ERLIN2: variants seen among roughly 807,000 people sequenced by gnomAD.
The protein encoded by ERLIN2 is ER lipid raft associated 2.
Under a neutral mutation model 41.5 loss-of-function variants are expected in ERLIN2, and 22 were observed. The ratio of observed to expected loss-of-function variants is 0.53; its 90% CI spans 0.38 to 0.76. The LOEUF (loss-of-function observed/expected upper bound fraction) is 0.76, where lower values mean the gene tolerates loss of function less well. ERLIN2 is among the 30% of genes least tolerant of loss of function. The probability of loss-of-function intolerance (pLI) is 0.00; values close to 1 mark genes in which losing one functional copy is unlikely to be tolerated. For synonymous variants in ERLIN2, 149 were observed against 150.9 expected (o/e 0.99, Z 0.09); for missense variants, 247 against 414.3 (o/e 0.60, Z 3.51).
chr8:37,746,253 G>A, intron 6 of ERLIN2: 6 of 985,484 alleles, frequency 6.1e-6, no homozygotes, highest in Non-Finnish European at 7.2e-6. Flanking sequence ...TTATAGCCCA[G>A]ACTTTAAACA....
chr8:37,736,917 G>C, intron 1 of ERLIN2: 1 of 985,956 alleles, frequency 1.0e-6, no homozygotes, highest in East Asian at 1.1e-4. Flanking sequence ...CTCTCGGAAC[G>C]GGGCGGGGAA....
Position 37,754,193 on chromosome 8 carries a change from C to T in ERLIN2, c.*78C>T. ...GATGAATCAGAATGTTCCTCCCTCC[C>T]CGACTACCTTCTCTGACTGTCTTCC... On this transcript the variant is annotated 3_prime_UTR_variant, in exon 12 of 12. Coordinates refer to ENST00000519638, the MANE Select transcript of ERLIN2 (RefSeq NM_007175.8). 2 of 1,031,002 alleles carry T rather than the reference C, an allele frequency of 1.9e-6. No homozygotes were observed. Among genetic ancestry groups the T allele is most frequent in the South Asian group, 1.4e-5 (1 of 73,894 alleles). 63.9% of individuals were successfully genotyped at this position (1,031,002 alleles called of 1,614,324 possible).
rs1349890190 is a variant in ERLIN2, at chr8:37,743,592, G to A, written c.237-763G>A. On this transcript the variant is annotated intron_variant, in intron 4 of 11. Coordinates refer to ENST00000519638, the MANE Select transcript of ERLIN2 (RefSeq NM_007175.8). ...GGCTTCAACATATGAATCTGGGGGCGAGGCATACACAGGTCAGTCCATAAC... is the reference window on the plus strand; with the variant it reads ...GGCTTCAACATATGAATCTGGGGGCAAGGCATACACAGGTCAGTCCATAAC... 9.9e-5 allele frequency among the ~76,000 whole-genome samples: 15 copies of A among 152,164 alleles called. 1 individual carries two copies. The highest frequency in any genetic ancestry group is 9.8e-4 in the Admixed American group (15 of 15,278).
At chr8:37,736,709 C>T (rs1180122335) in intron 1 of ERLIN2, 31 bp downstream of exon 1, 3 of 985,698 alleles carry the variant, frequency 3.0e-6, no homozygotes, top group South Asian at 4.7e-5. Context: ...CGTGCGCGCG[C>T]TGGGCCTAGC....
chr8:37,746,525 A>T, intron 6 of ERLIN2: 6 of 973,228 alleles, frequency 6.2e-6, no homozygotes, highest in Non-Finnish European at 7.3e-6. Flanking sequence ...TAAATAGCAA[A>T]TGTAAAGTAA....
chr8:37,758,037 G>A lies in ERLIN2; in HGVS notation c.*3922G>A, dbSNP rs1287634597. 2 of 152,208 alleles carry A rather than the reference G, an allele frequency of 1.3e-5. No individual in the cohort carries two copies. Among genetic ancestry groups the A allele is most frequent in the Non-Finnish European group, 2.9e-5 (2 of 68,026 alleles). 9.4% of individuals were successfully genotyped at this position (152,208 alleles called of 1,614,324 possible). On this transcript the variant is annotated 3_prime_UTR_variant, in exon 12 of 12. Coordinates refer to ENST00000519638, the MANE Select transcript of ERLIN2 (RefSeq NM_007175.8). ...CTAGTTAAATATGAATTTCAACAAT[G>A]TACAATTTTTAGTCTAAGTACTATG...
rs989151973 is a variant in ERLIN2, at chr8:37,741,982, G to A, written c.236+164G>A. Among the ~76,000 whole-genome samples the A allele has an allele frequency of 1.3e-5, 2 of 152,130 alleles. No individual in the cohort carries two copies. The highest frequency in any genetic ancestry group is 2.4e-5 in the African/African-American group (1 of 41,410). ...GACCAGGTGATGGAGTGCAGTAGAG[G>A]AAATCATAGAAGGTTCAGGAGGGGC... On this transcript the variant is annotated intron_variant, in intron 4 of 11. Coordinates refer to ENST00000519638, the MANE Select transcript of ERLIN2 (RefSeq NM_007175.8). The surrounding 1 kb of genome is among the most constrained non-coding windows in gnomAD (Gnocchi z 4.8).
intron 10 of ERLIN2, among the ~76,000 whole-genome samples, chr8:37,752,371 T>C (rs1803240551): frequency 6.6e-6 from 1 of 152,234 alleles, no homozygotes; most frequent in Non-Finnish European, 1.5e-5. Flanking sequence ...AGCTTCAGGC[T>C]ACAAAGTGTT....
intron 4 of ERLIN2, 123 bp from the exon 5 acceptor site, chr8:37,744,232 C>T: frequency 1.1e-6 from 1 of 883,746 alleles, no homozygotes; most frequent in South Asian, 1.3e-5. Context: ...AGCTGCCTTC[C>T]AACTTCCCGT....
Position 37,740,195 on chromosome 8 carries a change from T to C in ERLIN2, c.108-170T>C, listed in dbSNP as rs548188881. On this transcript the variant is annotated intron_variant, in intron 2 of 11. Transcript: ENST00000519638. ...TGTTTTACCATCAGGCTTCCTAGAATATTAGGATCTAGCTGAGAGGAAGAA... is the reference window on the plus strand; with the variant it reads ...TGTTTTACCATCAGGCTTCCTAGAACATTAGGATCTAGCTGAGAGGAAGAA... Among the ~76,000 whole-genome samples, 18 of 152,288 alleles carry C rather than the reference T, an allele frequency of 1.2e-4. 1 individual carries two copies. Among genetic ancestry groups the C allele is most frequent in the African/African-American group, 4.3e-4 (18 of 41,558 alleles).
chr8:37,737,768 A>G, intron 1 of ERLIN2, 140 bp from the exon 2 acceptor site: 1 of 910,220 alleles, frequency 1.1e-6, no homozygotes, highest in South Asian at 1.5e-5. Context: ...AGCGAGTTGT[A>G]GATCTAGCCT....
chr8:37,746,800 G>A (rs1423966581), intron 6 of ERLIN2, among the ~76,000 whole-genome samples: 1 of 152,186 alleles, frequency 6.6e-6, no homozygotes, highest in Non-Finnish European at 1.5e-5. Flanking sequence ...AAAGCTTTAT[G>A]CAGATTCTGG....
chr8:37,753,589 A>G (rs1803282272), intron 11 of ERLIN2, 60 bp downstream of exon 11: 4 of 1,493,194 alleles, frequency 2.7e-6, no homozygotes, highest in Non-Finnish European at 2.8e-6. Flanking sequence ...GTATTGCAGG[A>G]GAGTTTCCAG....
chr8:37,747,463 TTC>T (rs1166889508), intron 6 of ERLIN2: 6 of 1,611,884 alleles, frequency 3.7e-6, no homozygotes, highest in Non-Finnish European at 4.2e-6. Flanking sequence ...CACTTTGGCA[TTC>T]TGTGCATACG....
intron 1 of ERLIN2, chr8:37,737,567 A>G (rs957929780): frequency 3.0e-6 from 1 of 336,084 alleles, no homozygotes; most frequent in Admixed American, 4.4e-5. Flanking sequence ...CTTCCCTACT[A>G]CTGGTAGGAA....
intron 9 of ERLIN2, 97 bp downstream of exon 9, chr8:37,750,583 C>T (rs747021290): frequency 1.6e-5 from 15 of 953,584 alleles, no homozygotes; most frequent in Non-Finnish European, 2.2e-5. Flanking sequence ...CCCCATGGTC[C>T]TCCAAACCAC....
In ERLIN2 at chr8:37,744,554, C is replaced by A; in HGVS notation, c.299-17C>A. On this transcript the variant is annotated splice_polypyrimidine_tract_variant and intron_variant, in intron 5 of 11. Transcript: ENST00000519638. ...GTCTTGCCTTTTCTTATGCCAAGCC[C>A]TCTCCTTCCCTCTCAGTGTATGATA... 1.9e-6 allele frequency: 3 copies of A among 1,614,158 alleles called. No individual in the cohort carries two copies. The highest frequency in any genetic ancestry group is 8.5e-7 in the Non-Finnish European group (1 of 1,180,022).
chr8:37,750,373 C>G (rs1371870216), intron 8 of ERLIN2, 22 bp from the exon 9 acceptor site: 1 of 1,596,566 alleles, frequency 6.3e-7, no homozygotes, highest in East Asian at 2.2e-5. Context: ...ATAGCTGCCT[C>G]ACGGCTTTTT....
In ERLIN2 at chr8:37,756,206, T is replaced by C. The variant is rs1163152267; in HGVS notation, c.*2091T>C. ...TCCGTCTCAAGAAAAGAAGGTCATT[T>C]CCCAAGACTAGCATAGGGAGTATCC... On this transcript the variant is annotated 3_prime_UTR_variant, in exon 12 of 12. Coordinates refer to ENST00000519638, the MANE Select transcript of ERLIN2 (RefSeq NM_007175.8). The C allele has an allele frequency of 6.6e-6, 1 of 152,132 alleles. No individual in the cohort carries two copies. Among genetic ancestry groups the C allele is most frequent in the Non-Finnish European group, 1.5e-5 (1 of 68,030 alleles). 9.4% of individuals were successfully genotyped at this position (152,132 alleles called of 1,614,324 possible).
Sources: gnomAD v4.1 joint callset for allele counts (sites outside exome capture counted in the v4.1 genomes callset) on GRCh38, gnomAD v4.1.1 for gene constraint, Gnocchi (gnomAD v3.1) non-coding constraint, MANE v1.5 for transcripts, NCBI Gene and HGNC (gene_info 2026-07-23, HGNC 2026-07-21) for gene names.